The following PTPRN2 variants were observed in gnomAD, a reference collection of about 807,000 sequenced individuals.
The protein encoded by PTPRN2 is receptor-type tyrosine-protein phosphatase N2.
In PTPRN2, 74 loss-of-function variants were observed where a neutral mutation model predicts 118.8. The ratio of observed to expected loss-of-function variants is 0.62; its 90% CI spans 0.52 to 0.76. The LOEUF is 0.76. PTPRN2 is among the 30% of genes least tolerant of loss of function. The probability of loss-of-function intolerance (pLI) is 0.00; values close to 1 mark genes in which losing one functional copy is unlikely to be tolerated. For missense variants in PTPRN2, 1,481 were observed against 1,394.4 expected, an observed-to-expected ratio of 1.06 and a Z score of -0.99; for synonymous variants, 641 against 608.0, an observed-to-expected ratio of 1.05 and a Z score of -0.80.
intron 2 of PTPRN2, among the ~76,000 whole-genome samples, chr7:158,370,213 C>G (rs183619623): frequency 6.6e-6 from 1 of 151,502 alleles, no homozygotes; most frequent in Admixed American, 6.6e-5. Context: ...CGAGGCACAC[C>G]GATCACCTGA....
chr7:157,863,234 C>A (rs1167549387), intron 12 of PTPRN2: 1 of 152,254 alleles, frequency 6.6e-6, no homozygotes, highest in African/African-American at 2.4e-5. Flanking sequence ...TTCTGCCTTA[C>A]GTGGCTGATG....
At chr7:158,352,554 ACTT>A (rs1196333931) in intron 2 of PTPRN2, among the ~76,000 whole-genome samples, 1 of 152,186 alleles carries the variant, frequency 6.6e-6, no homozygotes, top group African/African-American at 2.4e-5. Flanking sequence ...GCTGGATTAA[ACTT>A]CTTATTGCCC....
At chr7:158,044,719 GA>G (rs1486746500) in intron 11 of PTPRN2, among the ~76,000 whole-genome samples, 1 of 152,180 alleles carries the variant, frequency 6.6e-6, no homozygotes, top group African/African-American at 2.4e-5. Context: ...CTCTGCCTCA[GA>G]AACAGTGTCC....
At position 158,243,485 on chromosome 7, in the gene PTPRN2, CA is replaced by C. The variant is rs375863531; in HGVS notation, c.278-38213del. Reference sequence around the variant, plus strand: ...GTCTGGTTTCATGAGAAGAAATGCTCAGTGGAGAGATGGTTACTCGTGTTTT... The same window carrying C: ...GTCTGGTTTCATGAGAAGAAATGCTCGTGGAGAGATGGTTACTCGTGTTTT... On this transcript the variant is annotated intron_variant, in intron 3 of 22. Coordinates refer to ENST00000389418, the MANE Select transcript of PTPRN2 (RefSeq NM_002847.5). Among the ~76,000 whole-genome samples the C allele has an allele frequency of 1.7e-4, 26 of 152,344 alleles. No individual in the cohort carries two copies. The East Asian group carries it at 3.5e-3, about 20-fold the overall frequency.
At chr7:158,319,412 AGCC>A (rs1563131070) in intron 2 of PTPRN2, among the ~76,000 whole-genome samples, 1 of 26,768 alleles carries the variant, frequency 3.7e-5, no homozygotes, top group African/African-American at 1.4e-4. Context: ...ACACACACAC[AGCC>A]TCCCACACAC....
At chr7:157,567,396 TG>T (rs1297750168) in intron 21 of PTPRN2, among the ~76,000 whole-genome samples, 1 of 152,210 alleles carries the variant, frequency 6.6e-6, no homozygotes, top group African/African-American at 2.4e-5. Context: ...CAAAGGATGC[TG>T]GCGGTGTTGG....
chr7:157,720,597 C>T (rs1046533075), intron 12 of PTPRN2, among the ~76,000 whole-genome samples: 9 of 152,200 alleles, frequency 5.9e-5, no homozygotes, highest in Non-Finnish European at 8.8e-5. Context: ...ACGCGGGGAC[C>T]GAGGGAGTCA....
chr7:157,984,452 C>T (rs1226272740), intron 11 of PTPRN2, among the ~76,000 whole-genome samples: 2 of 81,718 alleles, frequency 2.4e-5, no homozygotes, highest in Non-Finnish European at 5.0e-5. Flanking sequence ...GCTCCACCCC[C>T]CCCACGCCAG....
At chr7:158,256,817 A>AT in intron 3 of PTPRN2, among the ~76,000 whole-genome samples, 1 of 152,192 alleles carries the variant, frequency 6.6e-6, no homozygotes, top group Non-Finnish European at 1.5e-5. Flanking sequence ...AGAAAAGAGT[A>AT]TTTTTCCCAA....
intron 13 of PTPRN2, among the ~76,000 whole-genome samples, chr7:157,657,360 CAT>C (rs1426262285): frequency 7.0e-6 from 1 of 141,900 alleles, no homozygotes; most frequent in Non-Finnish European, 1.5e-5. Context: ...ACACCACACA[CAT>C]CACACATATA....
intron 2 of PTPRN2, among the ~76,000 whole-genome samples, chr7:158,488,432 G>T (rs1318140284): frequency 6.6e-6 from 1 of 152,290 alleles, no homozygotes; most frequent in Admixed American, 6.5e-5. Flanking sequence ...CGCCTCCACC[G>T]TGGCTTCCCT....
chr7:158,140,446 G>A (rs1027507728), intron 6 of PTPRN2, among the ~76,000 whole-genome samples: 1 of 152,224 alleles, frequency 6.6e-6, no homozygotes, highest in Non-Finnish European at 1.5e-5. Context: ...TCCACAGACA[G>A]AGTCTAAAGT....
At chr7:157,625,574 G>C (rs1803515887) in intron 14 of PTPRN2, among the ~76,000 whole-genome samples, 1 of 152,136 alleles carries the variant, frequency 6.6e-6, no homozygotes, top group African/African-American at 2.4e-5. Context: ...TTGGGGACTT[G>C]AGGGGAGGAG....
intron 2 of PTPRN2, among the ~76,000 whole-genome samples, chr7:158,324,992 G>A (rs1276595755): frequency 6.6e-6 from 1 of 151,692 alleles, no homozygotes; most frequent in African/African-American, 2.4e-5. Flanking sequence ...GCTGAGAAAC[G>A]TCACTCACTG....
At chr7:158,201,169 C>T (rs1169332699) in intron 4 of PTPRN2, among the ~76,000 whole-genome samples, 1 of 151,854 alleles carries the variant, frequency 6.6e-6, no homozygotes, top group African/African-American at 2.4e-5. Context: ...TCTCTCTCAG[C>T]CTCCTGAGTA....
intron 11 of PTPRN2, among the ~76,000 whole-genome samples, chr7:158,052,530 A>G (rs989184695): frequency 2.6e-5 from 4 of 152,156 alleles, no homozygotes; most frequent in African/African-American, 4.8e-5. Context: ...TGGATGGTAG[A>G]GGGGTGCGGC....
chr7:158,450,212 A>G lies in PTPRN2; in HGVS notation c.163+39523T>C, dbSNP rs537909926. ...CCACCTATCCCATCGTGGGAGCCCC[A>G]CCCTCACGGGTGATCTAACTCAATC... is the stretch of plus-strand genomic sequence containing the variant. On this transcript the variant is annotated intron_variant, in intron 2 of 22. Coordinates refer to ENST00000389418, the MANE Select transcript of PTPRN2 (RefSeq NM_002847.5). Among the ~76,000 whole-genome samples, 15 of 152,308 alleles carry G rather than the reference A, an allele frequency of 9.8e-5. No individual in the cohort carries two copies. In the South Asian group the frequency reaches 2.9e-3, roughly 29 times the overall value.
Position 158,114,907 on chromosome 7 carries a change from G to A in PTPRN2, c.1557-3992C>T, listed in dbSNP as rs541535588. Reference sequence around the variant, plus strand: ...GTCACTCAGAGAACTTGAGAGAAGGGGCAGGGGAGGCACGGATGGCTAGAA... The same window carrying A: ...GTCACTCAGAGAACTTGAGAGAAGGAGCAGGGGAGGCACGGATGGCTAGAA... On this transcript the variant is annotated intron_variant, in intron 9 of 22. Coordinates refer to ENST00000389418, the MANE Select transcript of PTPRN2 (RefSeq NM_002847.5). 1.9e-4 allele frequency among the ~76,000 whole-genome samples: 29 copies of A among 152,288 alleles called. 1 individual carries two copies. In the South Asian group the frequency reaches 5.8e-3, roughly 30 times the overall value.
At chr7:158,445,316 C>T (rs1049604379) in intron 2 of PTPRN2, among the ~76,000 whole-genome samples, 8 of 152,222 alleles carry the variant, frequency 5.3e-5, no homozygotes, top group African/African-American at 1.7e-4. Flanking sequence ...ACCTGCTCAC[C>T]TCTGCCCTGA....
Sources: allele counts gnomAD v4.1 joint callset (sites outside exome capture counted in the v4.1 genomes callset), GRCh38; gene constraint gnomAD v4.1.1; transcripts MANE v1.5; gene names NCBI Gene and HGNC (gene_info 2026-07-23, HGNC 2026-07-21).